ATP10B: variants seen among roughly 807,000 people sequenced by gnomAD.
The protein encoded by ATP10B is ATPase phospholipid transporting 10B (putative).
ATP10B carries 122 observed loss-of-function variants against 141.2 expected under a neutral mutation model. That is an observed-to-expected ratio of 0.86 (90% CI 0.75 to 1.00). The LOEUF (loss-of-function observed/expected upper bound fraction) is 1.00, where lower values mean the gene tolerates loss of function less well. ATP10B is among the 50% of genes least tolerant of loss of function. ATP10B has a pLI of 0.00. For synonymous variants in ATP10B, 685 were observed against 692.0 expected, an observed-to-expected ratio of 0.99 and a Z score of 0.16; for missense variants, 1,876 against 1,825.3, an observed-to-expected ratio of 1.03 and a Z score of -0.51.
the ATP10B span, among the ~76,000 whole-genome samples, chr5:160,903,628 T>C: frequency 1.3e-5 from 2 of 152,194 alleles, no homozygotes; most frequent in Non-Finnish European, 2.9e-5. Context: ...TTTACTATCA[T>C]TTTTCCATTC....
rs1036803706 is a variant in ATP10B, at chr5:160,565,269, G to A, written c.*184C>T. On this transcript the variant is annotated 3_prime_UTR_variant, in exon 26 of 26. Coordinates refer to ENST00000327245, the MANE Select transcript of ATP10B (RefSeq NM_025153.3). ...TGAGAGCAGCAGAAAACTAGAGGCCGACTGGGTTTCCCGTCTTTGTGTCAG... is the reference window on the plus strand; with the variant it reads ...TGAGAGCAGCAGAAAACTAGAGGCCAACTGGGTTTCCCGTCTTTGTGTCAG... 6 of 621,600 alleles carry A rather than the reference G, an allele frequency of 9.7e-6. No individual in the cohort carries two copies. The highest frequency in any genetic ancestry group is 3.7e-5 in the African/African-American group (2 of 54,200). The allele number at this position is 621,600 out of a possible 1,614,324, so 38.5% of individuals were successfully genotyped here.
chr5:160,743,840 C>T lies in ATP10B; in HGVS notation c.-330-26806G>A, dbSNP rs116901273. 2.0e-4 allele frequency among the ~76,000 whole-genome samples: 30 copies of T among 152,234 alleles called. No homozygotes were observed. In the East Asian group the frequency reaches 5.0e-3, roughly 25 times the overall value. On this transcript the variant is annotated intron_variant, in intron 2 of 25. Transcript: ENST00000327245. Reference sequence around the variant, plus strand: ...GGGGATATTTGGCAATGTCCAGAGACAGTTTTGATTGTCGAAAGTAGGGGA... The same window carrying T: ...GGGGATATTTGGCAATGTCCAGAGATAGTTTTGATTGTCGAAAGTAGGGGA...
chr5:160,606,105 G>T (rs1757371460), intron 19 of ATP10B, among the ~76,000 whole-genome samples: 1 of 152,208 alleles, frequency 6.6e-6, no homozygotes, highest in Non-Finnish European at 1.5e-5. Flanking sequence ...CACAATAAGA[G>T]ATATGGCTGA....
chr5:160,874,634 G>T, the ATP10B span, among the ~76,000 whole-genome samples: 1 of 152,008 alleles, frequency 6.6e-6, no homozygotes, highest in Non-Finnish European at 1.5e-5. Flanking sequence ...TGAAAACTTT[G>T]AAAAAAATGT....
the ATP10B span, among the ~76,000 whole-genome samples, chr5:160,916,400 T>G: frequency 6.6e-6 from 1 of 152,192 alleles, no homozygotes; most frequent in African/African-American, 2.4e-5. Flanking sequence ...AAAAGATGTT[T>G]TTTTTGTAGA....
chr5:160,808,537 TATC>T (rs1441289594), intron 1 of ATP10B, among the ~76,000 whole-genome samples: 1 of 152,152 alleles, frequency 6.6e-6, no homozygotes, highest in Non-Finnish European at 1.5e-5. Flanking sequence ...ACTTCCTAAT[TATC>T]ATTCCATTTA....
At chr5:160,886,626 C>G in the ATP10B span, among the ~76,000 whole-genome samples, 1 of 152,156 alleles carries the variant, frequency 6.6e-6, no homozygotes, top group Non-Finnish European at 1.5e-5. Context: ...AGGATCTAGA[C>G]GCAAGAATTG....
At chr5:160,881,335 A>G in the ATP10B span, among the ~76,000 whole-genome samples, 2 of 152,230 alleles carry the variant, frequency 1.3e-5, no homozygotes, top group African/African-American at 4.8e-5. Flanking sequence ...CTCCTTCACT[A>G]CTGGTGGAAA....
At chr5:160,902,417 T>C in the ATP10B span, among the ~76,000 whole-genome samples, 1,158 of 152,262 alleles carry the variant, frequency 7.6e-3, 19 homozygotes, top group Non-Finnish European at 0.012. Context: ...AAGTTCAGGG[T>C]CCCTAATTAT....
intron 13 of ATP10B, among the ~76,000 whole-genome samples, chr5:160,624,173 A>G (rs573755415): frequency 3.2e-4 from 49 of 152,338 alleles, no homozygotes; most frequent in African/African-American, 1.2e-3. Flanking sequence ...CTGAGGGCCA[A>G]TGAACTTTAC....
chr5:160,719,226 C>T (rs112510091), intron 2 of ATP10B, among the ~76,000 whole-genome samples: 2 of 152,260 alleles, frequency 1.3e-5, no homozygotes, highest in African/African-American at 4.8e-5. Context: ...TGGTGAAACC[C>T]TGTCTCTACT....
chr5:160,700,507 T>C (rs950413715), intron 3 of ATP10B, among the ~76,000 whole-genome samples: 1 of 152,206 alleles, frequency 6.6e-6, no homozygotes, highest in East Asian at 1.9e-4. Flanking sequence ...AACGGCAGCC[T>C]GGACTCTCCA....
intron 18 of ATP10B, among the ~76,000 whole-genome samples, chr5:160,607,556 T>C (rs532685884): frequency 1.3e-5 from 2 of 152,276 alleles, no homozygotes; most frequent in South Asian, 4.1e-4. Context: ...CCCAAGATCA[T>C]CCAAACTTAG....
chr5:160,653,497 T>C (rs62647305), intron 7 of ATP10B, among the ~76,000 whole-genome samples: 690 of 7,972 alleles, frequency 0.087, 96 homozygotes, highest in Middle Eastern at 0.75. Flanking sequence ...TATATACATA[T>C]GTACATATAT....
At chr5:160,872,282 C>T in the ATP10B span, among the ~76,000 whole-genome samples, 3 of 152,064 alleles carry the variant, frequency 2.0e-5, no homozygotes, top group Non-Finnish European at 4.4e-5. Context: ...TATTACTTTT[C>T]TGTCAGATGT....
chr5:160,746,917 T>C (rs1767845126), intron 2 of ATP10B, among the ~76,000 whole-genome samples: 1 of 152,192 alleles, frequency 6.6e-6, no homozygotes, highest in African/African-American at 2.4e-5. Flanking sequence ...AACCAATGGC[T>C]TTATAGCAGT....
intron 1 of ATP10B, among the ~76,000 whole-genome samples, chr5:160,815,753 T>G (rs1019340757): frequency 1.3e-5 from 2 of 152,194 alleles, no homozygotes; most frequent in Admixed American, 1.3e-4. Context: ...ATTGACCACA[T>G]AGTTGGAAGT....
chr5:160,565,866 T>TC lies in ATP10B; in HGVS notation c.3972dup (p.Lys1325GlufsTer11). ...TTCTGAGCTTTTGAGATTAGAGACTTCCCACAAGTTCCTTGCAGAGACAGG... is the reference window on the plus strand; with the variant it reads ...TTCTGAGCTTTTGAGATTAGAGACTTCCCCACAAGTTCCTTGCAGAGACAGG... On this transcript the variant is annotated frameshift_variant, in exon 26 of 26. Transcript: ENST00000327245. LOFTEE classifies it low-confidence loss of function (END_TRUNC). 6.2e-7 allele frequency: 1 copy of TC among 1,613,086 alleles called. No individual in the cohort carries two copies. The highest frequency in any genetic ancestry group is 1.1e-5 in the South Asian group (1 of 90,944).
the ATP10B span, among the ~76,000 whole-genome samples, chr5:160,861,945 G>A: frequency 6.6e-6 from 1 of 151,858 alleles, no homozygotes; most frequent in African/African-American, 2.4e-5. Context: ...AAAAAATTAG[G>A]AAGAATTTTT....
Sources: gnomAD v4.1 joint callset for allele counts (sites outside exome capture counted in the v4.1 genomes callset) on GRCh38, gnomAD v4.1.1 for gene constraint, MANE v1.5 for transcripts, NCBI Gene and HGNC (gene_info 2026-07-23, HGNC 2026-07-21) for gene names.